NPIPB2: variants seen among roughly 807,000 people sequenced by gnomAD.
The protein encoded by NPIPB2 is nuclear pore complex-interacting protein family member B2.
A neutral mutation model predicts 30.8 loss-of-function variants in NPIPB2; 27 were observed. That is an observed-to-expected ratio of 0.88 (90% CI 0.65 to 1.21). NPIPB2 has a LOEUF of 1.21. NPIPB2 is among the 50% of genes most tolerant of loss of function. The pLI is 0.00. For missense variants in NPIPB2, 440 were observed against 446.2 expected (o/e 0.99, Z 0.13); for synonymous variants, 147 against 162.0 (o/e 0.91, Z 0.70).
chr16:11,951,666 A>ACACACACACACACACACACACACACC lies in NPIPB2; in HGVS notation c.-583-9553_-583-9552insGGTGTGTGTGTGTGTGTGTGTGTGTG, dbSNP rs1226047972. 4.4e-4 allele frequency among the ~76,000 whole-genome samples: 61 copies of ACACACACACACACACACACACACACC among 138,934 alleles called. 1 individual carries two copies. Among genetic ancestry groups the ACACACACACACACACACACACACACC allele is most frequent in the South Asian group, 7.7e-4 (3 of 3,886 alleles). The allele number at this position is 138,934 out of a possible 152,430, so 91.1% of individuals were successfully genotyped here. A position where few individuals can be genotyped will look rare whatever the true frequency, so the allele number is the denominator to read the frequency against. ...CACACACACACACACACACACACAC[A>ACACACACACACACACACACACACACC]CCCAGCCCCCAAACAACAAAATTCA... On this transcript the variant is annotated intron_variant, in intron 1 of 5. Coordinates refer to the NPIPB2 transcript ENST00000538896.
chr16:11,968,288 C>A (rs979362601), intron 1 of NPIPB2, among the ~76,000 whole-genome samples: 1 of 152,066 alleles, frequency 6.6e-6, no homozygotes, highest in Non-Finnish European at 1.5e-5. Context: ...ACCAGCCTGG[C>A]CAACATGGTG....
intron 2 of NPIPB2, among the ~76,000 whole-genome samples, chr16:11,937,318 C>T (rs1234375643): frequency 1.3e-5 from 2 of 152,170 alleles, no homozygotes; most frequent in Admixed American, 1.3e-4. Flanking sequence ...TTATTTTTGA[C>T]CAAAAGCTCT....
At chr16:11,960,072 G>C (rs1255002991) in intron 1 of NPIPB2, among the ~76,000 whole-genome samples, 1 of 152,172 alleles carries the variant, frequency 6.6e-6, no homozygotes, top group African/African-American at 2.4e-5. Flanking sequence ...ACCGTGCCCA[G>C]TCTGTACTTT....
exon 8 of NPIPB2, chr16:11,927,425 G>T (rs1156871065): frequency 8.6e-7 from 1 of 1,161,156 alleles, no homozygotes; most frequent in Non-Finnish European, 1.3e-6. Flanking sequence ...CCGCCTCTTG[G>T]GCTCGGGTGA....
chr16:11,947,461 C>T (rs960458496), intron 1 of NPIPB2, among the ~76,000 whole-genome samples: 1 of 151,722 alleles, frequency 6.6e-6, no homozygotes, highest in African/African-American at 2.4e-5. Flanking sequence ...TCTCCTGCCT[C>T]AGCCTCCCGA....
upstream of NPIPB2, among the ~76,000 whole-genome samples, chr16:11,944,803 A>G (rs1465578995): frequency 6.6e-6 from 1 of 151,662 alleles, no homozygotes; most frequent in South Asian, 2.1e-4. Context: ...AAGAAATAAA[A>G]TACATTTAGG....
intron 1 of NPIPB2, among the ~76,000 whole-genome samples, chr16:11,969,411 T>C (rs1175915776): frequency 1.3e-5 from 2 of 151,740 alleles, no homozygotes; most frequent in Non-Finnish European, 2.9e-5. Flanking sequence ...TGCCCGCCAC[T>C]GCGCCTGGCT....
intron 1 of NPIPB2, among the ~76,000 whole-genome samples, chr16:11,951,179 G>A (rs554846532): frequency 1.1e-4 from 16 of 151,920 alleles, no homozygotes; most frequent in African/African-American, 1.4e-4. Flanking sequence ...TTACTCGGCC[G>A]GGCGCAGTGG....
intron 1 of NPIPB2, among the ~76,000 whole-genome samples, chr16:11,963,518 AG>A (rs1202334711): frequency 6.6e-6 from 1 of 152,172 alleles, no homozygotes; most frequent in African/African-American, 2.4e-5. Flanking sequence ...ATACAACAAA[AG>A]GAAAACAACA....
intron 1 of NPIPB2, chr16:11,968,049 T>G: frequency 1.9e-6 from 1 of 539,298 alleles, no homozygotes; most frequent in Non-Finnish European, 3.0e-6. Context: ...GTTTCATGAT[T>G]AAACTCTTTT....
At chr16:11,945,761 G>C (rs1035066523), upstream of NPIPB2, among the ~76,000 whole-genome samples, 4 of 152,084 alleles carry the variant, frequency 2.6e-5, no homozygotes, top group Non-Finnish European at 5.9e-5. Flanking sequence ...GACAGGCTGA[G>C]GGAAGGACAG....
At position 11,947,666 on chromosome 16, in the gene NPIPB2, G is replaced by A. The variant is rs913076896; in HGVS notation, c.-583-5552C>T. Among the ~76,000 whole-genome samples, 3 of 151,786 alleles carry A rather than the reference G, an allele frequency of 2.0e-5. No homozygotes were observed. In the Admixed American group the frequency reaches 2.0e-4, roughly 10 times the overall value. ...GCCACATATACATATTTTAAAGAGTGATCTTCATCAGAAATTCTAGATGAA... is the reference window on the plus strand; with the variant it reads ...GCCACATATACATATTTTAAAGAGTAATCTTCATCAGAAATTCTAGATGAA... On this transcript the variant is annotated intron_variant, in intron 1 of 5. Coordinates refer to the NPIPB2 transcript ENST00000538896.
At chr16:11,927,431 G>C in exon 8 of NPIPB2, 1 of 1,190,142 alleles carries the variant, frequency 8.4e-7, no homozygotes, top group South Asian at 1.3e-5. Flanking sequence ...CTTGGGCTCG[G>C]GTGATGATGG....
chr16:11,949,118 C>T (rs957954316), intron 1 of NPIPB2, among the ~76,000 whole-genome samples: 3 of 151,834 alleles, frequency 2.0e-5, no homozygotes, highest in Non-Finnish European at 4.4e-5. Context: ...GATCGGGCCA[C>T]TCTACTCCAG....
chr16:11,972,554 AAC>A (rs2055242292), intron 1 of NPIPB2, among the ~76,000 whole-genome samples: 3 of 152,176 alleles, frequency 2.0e-5, no homozygotes, highest in South Asian at 4.1e-4. Context: ...CAGCATGAGT[AAC>A]ACAGTGAGAC....
chr16:11,947,322 T>TTATTTATTTATTTATTTATA lies in NPIPB2; in HGVS notation c.-583-5209_-583-5208insTATAAATAAATAAATAAATA, dbSNP rs144577397. On this transcript the variant is annotated intron_variant, in intron 1 of 5. Coordinates refer to the NPIPB2 transcript ENST00000538896. ...TTTATTTATTTATTTATTTATTTAT[T>TTATTTATTTATTTATTTATA]TATATATATATATATTTATTTATTT... Among the ~76,000 whole-genome samples, 8 of 119,946 alleles carry TTATTTATTTATTTATTTATA rather than the reference T, an allele frequency of 6.7e-5. No individual in the cohort carries two copies. In the South Asian group the frequency reaches 9.4e-4, roughly 14 times the overall value. 78.7% of individuals were successfully genotyped at this position (119,946 alleles called of 152,430 possible). A position where few individuals can be genotyped will look rare whatever the true frequency, so the allele number is the denominator to read the frequency against.
chr16:11,965,684 T>G (rs2055187878), intron 1 of NPIPB2, among the ~76,000 whole-genome samples: 1 of 152,238 alleles, frequency 6.6e-6, no homozygotes, highest in Admixed American at 6.5e-5. Context: ...AAAAATCAGC[T>G]CTTCTAATTA....
At chr16:11,971,627 T>C (rs2055236306) in intron 1 of NPIPB2, among the ~76,000 whole-genome samples, 1 of 152,032 alleles carries the variant, frequency 6.6e-6, no homozygotes, top group Non-Finnish European at 1.5e-5. Context: ...CTCAAGTAGC[T>C]GGGATTACAA....
At chr16:11,968,075 A>C in intron 1 of NPIPB2, 1 of 489,900 alleles carries the variant, frequency 2.0e-6, no homozygotes, top group South Asian at 2.6e-5. Context: ...CTGACATCTA[A>C]GTTTTTATTA....
Sources: allele counts gnomAD v4.1 joint callset (sites outside exome capture counted in the v4.1 genomes callset), GRCh38; gene constraint gnomAD v4.1.1; transcripts MANE v1.5; gene names NCBI Gene and HGNC (gene_info 2026-07-23, HGNC 2026-07-21).